LMBRD1: variants seen among roughly 807,000 people sequenced by gnomAD.
LMBRD1 encodes the protein LMBR1 domain containing 1.
Under a neutral mutation model 74.8 loss-of-function variants are expected in LMBRD1, and 64 were observed. The observed-to-expected ratio is 0.86, with a 90% CI of 0.70 to 1.05. The LOEUF (loss-of-function observed/expected upper bound fraction) is 1.05. LMBRD1 is among the 50% of genes least tolerant of loss of function. The probability of loss-of-function intolerance (pLI) is 0.00; values close to 1 mark genes in which losing one functional copy is unlikely to be tolerated. For missense variants in LMBRD1, 652 were observed against 645.9 expected, an observed-to-expected ratio of 1.01 and a Z score of -0.10; for synonymous variants, 204 against 216.3, an observed-to-expected ratio of 0.94 and a Z score of 0.50.
chr6:69,762,505 C>T (rs1765393432), intron 3 of LMBRD1, among the ~76,000 whole-genome samples: 1 of 151,840 alleles, frequency 6.6e-6, no homozygotes, highest in South Asian at 2.1e-4. Flanking sequence ...ACAACTACAC[C>T]ATATTACATT....
At chr6:69,757,360 T>C (rs1251588092) in intron 3 of LMBRD1, among the ~76,000 whole-genome samples, 2 of 152,200 alleles carry the variant, frequency 1.3e-5, no homozygotes, top group Non-Finnish European at 2.9e-5. Flanking sequence ...TTTTTAGCAA[T>C]CAACATCTGG....
At chr6:69,724,676 A>G (rs950455675) in intron 7 of LMBRD1, among the ~76,000 whole-genome samples, 2 of 151,572 alleles carry the variant, frequency 1.3e-5, no homozygotes, top group African/African-American at 4.8e-5. Flanking sequence ...ACATCCTTTC[A>G]AGATAAAAAC....
At chr6:69,757,520 G>A (rs1038237479) in intron 3 of LMBRD1, among the ~76,000 whole-genome samples, 3 of 152,132 alleles carry the variant, frequency 2.0e-5, no homozygotes, top group Non-Finnish European at 2.9e-5. Flanking sequence ...TTCTTTCTCA[G>A]TGTCCTTTAT....
chr6:69,719,120 T>C (rs1170025961), intron 7 of LMBRD1, 39 bp from the exon 8 acceptor site: 3 of 1,585,764 alleles, frequency 1.9e-6, no homozygotes, highest in Non-Finnish European at 2.6e-6. Flanking sequence ...GAAATAATGT[T>C]TCAAACATAT....
At chr6:69,790,694 T>C in intron 1 of LMBRD1, 1 of 534,040 alleles carries the variant, frequency 1.9e-6, no homozygotes, top group South Asian at 2.0e-5. Flanking sequence ...CACAATACTA[T>C]TAATAACAGT....
intron 5 of LMBRD1, among the ~76,000 whole-genome samples, chr6:69,743,589 C>T (rs1562108666): frequency 6.6e-6 from 1 of 152,176 alleles, no homozygotes; most frequent in African/African-American, 2.4e-5. Context: ...AAGCATCCAT[C>T]AGAGAGTTAA....
chr6:69,701,099 T>G (rs1245777665), intron 11 of LMBRD1, among the ~76,000 whole-genome samples: 1 of 151,642 alleles, frequency 6.6e-6, no homozygotes, highest in South Asian at 2.1e-4. Flanking sequence ...TAAAGCAAAT[T>G]AAACTAAAAT....
intron 7 of LMBRD1, among the ~76,000 whole-genome samples, chr6:69,723,122 G>A (rs1766653245): frequency 6.6e-6 from 1 of 152,132 alleles, no homozygotes; most frequent in Non-Finnish European, 1.5e-5. Flanking sequence ...AATTCAGCAA[G>A]AGGATATAAC....
At chr6:69,777,583 G>A (rs1214149524) in intron 3 of LMBRD1, among the ~76,000 whole-genome samples, 1 of 151,892 alleles carries the variant, frequency 6.6e-6, no homozygotes, top group Non-Finnish European at 1.5e-5. Context: ...AGCTACAGCT[G>A]AGGAAATAAG....
At chr6:69,775,033 G>GGGAGGGAA (rs1562121921) in intron 3 of LMBRD1, among the ~76,000 whole-genome samples, 54 of 80,954 alleles carry the variant, frequency 6.7e-4, no homozygotes, top group Admixed American at 2.0e-3. Flanking sequence ...GAGGGAGGGA[G>GGGAGGGAA]GGAAGGAAGG....
chr6:69,694,586 T>G (rs192689789), intron 14 of LMBRD1, among the ~76,000 whole-genome samples: 165 of 152,304 alleles, frequency 1.1e-3, no homozygotes, highest in Non-Finnish European at 4.0e-4. Context: ...CTCTTGATTT[T>G]AATCCTTTCT....
intron 9 of LMBRD1, among the ~76,000 whole-genome samples, chr6:69,703,501 A>T (rs1272450322): frequency 1.3e-5 from 2 of 151,814 alleles, no homozygotes; most frequent in Non-Finnish European, 2.9e-5. Context: ...CCTCTTAGCT[A>T]TCTTCCAAAT....
chr6:69,749,273 CT>C, intron 5 of LMBRD1, 67 bp downstream of exon 5: 2 of 1,237,264 alleles, frequency 1.6e-6, no homozygotes, highest in South Asian at 1.4e-5. Flanking sequence ...CTGAATGATC[CT>C]TTTATTTTTT....
At position 69,796,811 on chromosome 6, in the gene LMBRD1, A is replaced by C; in HGVS notation, c.69+2T>G. 1.2e-6 allele frequency: 2 copies of C among 1,612,750 alleles called. No individual in the cohort carries two copies. Among genetic ancestry groups the C allele is most frequent in the Non-Finnish European group, 1.7e-6 (2 of 1,179,412 alleles). On this transcript the variant is annotated splice_donor_variant, in intron 1 of 15. Coordinates refer to ENST00000649934, the MANE Select transcript of LMBRD1 (RefSeq NM_018368.4). LOFTEE classifies it high-confidence loss of function. ...GGGGAAAACTCCAAGCGCCTCCCCT[A>C]CCAGTAGTAAGAGGCCGAATATGCA...
chr6:69,762,634 T>A (rs757331049), intron 3 of LMBRD1, among the ~76,000 whole-genome samples: 3 of 152,128 alleles, frequency 2.0e-5, no homozygotes, highest in Non-Finnish European at 4.4e-5. Flanking sequence ...GTAAAATCCA[T>A]GTGTTGAAAC....
intron 6 of LMBRD1, among the ~76,000 whole-genome samples, chr6:69,740,721 C>G (rs896637857): frequency 6.6e-6 from 1 of 152,048 alleles, no homozygotes; most frequent in African/African-American, 2.4e-5. Flanking sequence ...TGTACAGTAC[C>G]TATTAGAATA....
At chr6:69,786,634 A>G (rs1765955421) in intron 2 of LMBRD1, among the ~76,000 whole-genome samples, 1 of 152,208 alleles carries the variant, frequency 6.6e-6, no homozygotes, top group Non-Finnish European at 1.5e-5. Context: ...TACTTTAGAA[A>G]AGAAGCTAGA....
chr6:69,697,424 A>T lies in LMBRD1; in HGVS notation c.1417+139T>A, dbSNP rs77900614. The T allele has an allele frequency of 5.5e-3, 3,587 of 652,590 alleles. 70 individuals carry two copies. Among genetic ancestry groups the T allele is most frequent in the African/African-American group, 0.054 (3,014 of 56,242 alleles). 40.4% of individuals were successfully genotyped at this position (652,590 alleles called of 1,614,324 possible). A position where few individuals can be genotyped will look rare whatever the true frequency, so the allele number is the denominator to read the frequency against. On this transcript the variant is annotated intron_variant, in intron 14 of 15. Coordinates refer to ENST00000649934, the MANE Select transcript of LMBRD1 (RefSeq NM_018368.4). ...TTTCATCAACAAGAAATTCTACTGA[A>T]GAGATTTACCAACCTCTACTTGCTA...
At chr6:69,760,912 A>T (rs1469511030) in intron 3 of LMBRD1, among the ~76,000 whole-genome samples, 1 of 152,128 alleles carries the variant, frequency 6.6e-6, no homozygotes, top group African/African-American at 2.4e-5. Context: ...GAGAGAGCTT[A>T]CATGTCAACT....
Sources: allele counts gnomAD v4.1 joint callset (sites outside exome capture counted in the v4.1 genomes callset), GRCh38; gene constraint gnomAD v4.1.1; transcripts MANE v1.5; gene names NCBI Gene and HGNC (gene_info 2026-07-23, HGNC 2026-07-21).